Variants in CUL1 observed in about 807,000 individuals in gnomAD.
The protein encoded by CUL1 is cullin-1.
Under a neutral mutation model 118.0 loss-of-function variants are expected in CUL1, and 24 were observed. That is an observed-to-expected ratio of 0.20 (90% confidence interval 0.15 to 0.29). CUL1 has a LOEUF of 0.29. Among genes scored for constraint, CUL1 ranks in the 10% least tolerant of loss-of-function variants. The pLI is 1.00. For missense variants in CUL1, 361 were observed against 933.8 expected (o/e 0.39, Z 7.99); for synonymous variants, 332 against 340.4 (o/e 0.98, Z 0.27).
intron 7 of CUL1, 144 bp from the exon 8 acceptor site, chr7:148,766,417 C>T (rs1800009281): frequency 1.4e-6 from 1 of 714,980 alleles, no homozygotes; most frequent in Non-Finnish European, 2.2e-6. Flanking sequence ...CCAGCCCTCC[C>T]TTATTTTCTT....
At chr7:148,703,573 C>A (rs1215257844) in intron 1 of CUL1, among the ~76,000 whole-genome samples, 1 of 151,934 alleles carries the variant, frequency 6.6e-6, no homozygotes, top group African/African-American at 2.4e-5. Flanking sequence ...CACTCTGTCG[C>A]CCCCACTGGA....
intron 1 of CUL1, among the ~76,000 whole-genome samples, chr7:148,708,500 G>A (rs1006130672): frequency 6.6e-5 from 10 of 152,212 alleles, no homozygotes; most frequent in African/African-American, 1.9e-4. Context: ...GATGCAGTGC[G>A]CTGCTGATTG....
intron 4 of CUL1, among the ~76,000 whole-genome samples, 187 bp downstream of exon 4, chr7:148,757,337 A>C (rs912704882): frequency 1.3e-5 from 2 of 152,160 alleles, no homozygotes; most frequent in African/African-American, 4.8e-5. Flanking sequence ...AGAATGGGTA[A>C]ATTGGAGTTC....
At chr7:148,736,751 A>G (rs1336735465) in intron 2 of CUL1, among the ~76,000 whole-genome samples, 4 of 152,258 alleles carry the variant, frequency 2.6e-5, no homozygotes, top group Non-Finnish European at 2.9e-5. Flanking sequence ...TCAATCTTCA[A>G]TATTAAGGAT....
At chr7:148,797,916 G>A in intron 18 of CUL1, 21 bp from the exon 19 acceptor site, 1 of 1,611,070 alleles carries the variant, frequency 6.2e-7, no homozygotes, top group Non-Finnish European at 8.5e-7. Flanking sequence ...AGATTGTAGA[G>A]TAACAATTGT....
At chr7:148,723,637 A>G (rs999807568) in intron 1 of CUL1, among the ~76,000 whole-genome samples, 1 of 148,838 alleles carries the variant, frequency 6.7e-6, no homozygotes, top group African/African-American at 2.5e-5. Flanking sequence ...ACTGTTATTG[A>G]TAAATAATAG....
chr7:148,745,521 C>A (rs1274355009), intron 2 of CUL1, among the ~76,000 whole-genome samples: 1 of 152,038 alleles, frequency 6.6e-6, no homozygotes, highest in African/African-American at 2.4e-5. Context: ...TAGAGTTTAT[C>A]GTTATTTGCC....
chr7:148,737,386 T>C (rs1242766972), intron 2 of CUL1, among the ~76,000 whole-genome samples: 1 of 151,982 alleles, frequency 6.6e-6, no homozygotes, highest in Admixed American at 6.6e-5. Flanking sequence ...ATTTGCTTTG[T>C]ATGGGATATT....
chr7:148,725,410 G>T (rs1798546103), intron 1 of CUL1, among the ~76,000 whole-genome samples: 1 of 152,186 alleles, frequency 6.6e-6, no homozygotes, highest in South Asian at 2.1e-4. Context: ...GCCTGGACCG[G>T]GCTGCACCCT....
rs1056167044 is a variant in CUL1, at chr7:148,742,663, A to G, written c.141-11313A>G. On this transcript the variant is annotated intron_variant, in intron 2 of 21. Coordinates refer to ENST00000325222, the MANE Select transcript of CUL1 (RefSeq NM_003592.3). Reference sequence around the variant, plus strand: ...TGTTGCCCAGGCTGGAGTGCAGTGCATGTTCTTGGCTCACTGCAGTCTCTG... The same window carrying G: ...TGTTGCCCAGGCTGGAGTGCAGTGCGTGTTCTTGGCTCACTGCAGTCTCTG... 8.9e-5 allele frequency among the ~76,000 whole-genome samples: 12 copies of G among 134,442 alleles called. 1 individual carries two copies. In the South Asian group the frequency reaches 1.0e-3, roughly 11 times the overall value. 88.2% of individuals were successfully genotyped at this position (134,442 alleles called of 152,430 possible). A position where few individuals can be genotyped will look rare whatever the true frequency, so the allele number is the denominator to read the frequency against.
chr7:148,741,180 CT>C (rs34701559), intron 2 of CUL1, among the ~76,000 whole-genome samples: 68,840 of 152,034 alleles, frequency 0.45, 16,729 homozygotes, highest in African/African-American at 0.65. Context: ...TTATTTCCAA[CT>C]TTTTACTATT....
intron 16 of CUL1, 139 bp from the exon 17 acceptor site, chr7:148,792,587 A>G (rs1801052289): frequency 5.3e-6 from 3 of 565,204 alleles, no homozygotes; most frequent in Non-Finnish European, 6.1e-6. Flanking sequence ...TCCCTTTTAA[A>G]TAGATCTGTG....
intron 2 of CUL1, among the ~76,000 whole-genome samples, chr7:148,747,444 C>T (rs1799341132): frequency 1.3e-5 from 2 of 152,128 alleles, no homozygotes; most frequent in Admixed American, 6.5e-5. Context: ...TGTGTGGCAG[C>T]ATAAGGACTT....
chr7:148,789,703 T>A, intron 14 of CUL1, 47 bp from the exon 15 acceptor site: 1 of 1,460,266 alleles, frequency 6.8e-7, no homozygotes, highest in Non-Finnish European at 9.6e-7. Context: ...TATAAACTAA[T>A]TAATGTATTC....
chr7:148,754,890 G>A (rs186067618), intron 3 of CUL1, among the ~76,000 whole-genome samples: 424 of 151,928 alleles, frequency 2.8e-3, no homozygotes, highest in Non-Finnish European at 4.4e-3. Context: ...AGGACTACTG[G>A]CATGTACCAC....
chr7:148,777,055 C>G (rs1326173395), intron 9 of CUL1, among the ~76,000 whole-genome samples: 1 of 152,158 alleles, frequency 6.6e-6, no homozygotes, highest in African/African-American at 2.4e-5. Context: ...CTACAGCCTC[C>G]ACATTTACAG....
intron 7 of CUL1, among the ~76,000 whole-genome samples, chr7:148,763,120 C>T (rs1172235578): frequency 6.6e-6 from 1 of 151,854 alleles, no homozygotes; most frequent in African/African-American, 2.4e-5. Context: ...GCACTCCAGC[C>T]TGGGCAACAG....
chr7:148,712,885 G>A (rs1275705028), intron 1 of CUL1, among the ~76,000 whole-genome samples: 2 of 152,110 alleles, frequency 1.3e-5, no homozygotes, highest in Non-Finnish European at 2.9e-5. Context: ...CTGTCAATCA[G>A]TGCCTCTTGA....
intron 2 of CUL1, among the ~76,000 whole-genome samples, chr7:148,753,429 C>A (rs243482): frequency 0.55 from 83,366 of 152,060 alleles, 23,016 homozygotes; most frequent in African/African-American, 0.59. Flanking sequence ...ACATCTCTCT[C>A]TTTCTCAGGA....
Sources: allele counts gnomAD v4.1 joint callset (sites outside exome capture counted in the v4.1 genomes callset), GRCh38; gene constraint gnomAD v4.1.1; transcripts MANE v1.5; gene names NCBI Gene and HGNC (gene_info 2026-07-23, HGNC 2026-07-21).